The following RPS14 variants were observed in gnomAD, a reference collection of about 807,000 sequenced individuals.
RPS14 encodes ribosomal protein S14.
RPS14 carries 1 observed loss-of-function variant against 15.4 expected under a neutral mutation model. The observed-to-expected ratio is 0.07, with a 90% confidence interval of 0.02 to 0.31. RPS14 has a LOEUF of 0.31. Ranked by LOEUF, RPS14 falls within the 10% of genes least tolerant of loss-of-function variation. RPS14 has a pLI of 1.00. For synonymous variants in RPS14, 68 were observed against 74.4 expected, an observed-to-expected ratio of 0.91 and a Z score of 0.44; for missense variants, 69 against 205.5, an observed-to-expected ratio of 0.34 and a Z score of 4.06.
intron 2 of RPS14, chr5:150,447,172 CT>C: frequency 1.7e-6 from 1 of 580,844 alleles, no homozygotes. Context: ...GCATTTAATC[CT>C]TACCATTACT....
rs763925962 is a variant in RPS14, at chr5:150,447,716, C to A, written c.18G>T (p.Gly6=). 5.0e-6 allele frequency: 8 copies of A among 1,613,874 alleles called. No homozygotes were observed. Among genetic ancestry groups the A allele is most frequent in the Non-Finnish European group, 6.8e-6 (8 of 1,179,862 alleles). The part of the protein sequence containing the change: MAPRK[G]KEKKEEQVIS... ...TGACCTGTTCTTCCTTCTTTTCCTT[C>A]CCCTTTCGAGGTGCCATTTCTGAGT... The change falls in exon 2 of 5, where the codon GGG becomes GGT. Residue 6 remains glycine, a synonymous_variant. Coordinates refer to ENST00000407193, the MANE Select transcript of RPS14 (RefSeq NM_005617.4).
In RPS14 at chr5:150,446,738, G is replaced by A; in HGVS notation, c.311+64C>T. On this transcript the variant is annotated intron_variant, in intron 3 of 4. Transcript: ENST00000407193. This position sits in a 1 kb window ranked among gnomAD's most constrained non-coding sequence, Gnocchi z 4.2. ...ACAAAAAACCCAAACCTCAAATCCAGGTGCTCCAGCACCCAAGCCCAGCAG... is the reference window on the plus strand; with the variant it reads ...ACAAAAAACCCAAACCTCAAATCCAAGTGCTCCAGCACCCAAGCCCAGCAG... The A allele has an allele frequency of 6.5e-7, 1 of 1,550,318 alleles. No homozygotes were observed. Among genetic ancestry groups the A allele is most frequent in the Middle Eastern group, 1.7e-4 (1 of 5,768 alleles).
At position 150,447,016 on chromosome 5, in the gene RPS14, C is replaced by T. The variant is rs892398088; in HGVS notation, c.150-53G>A. 5.0e-6 allele frequency: 8 copies of T among 1,593,352 alleles called. No homozygotes were observed. The African/African-American group carries it at 5.4e-5, about 11-fold the overall frequency. ...TTCCTCGTCCAACAAGGAGTGCTTA[C>T]GATATCCTAATGAGTGAAGAGCAAC... On this transcript the variant is annotated intron_variant, in intron 2 of 4. Coordinates refer to ENST00000407193, the MANE Select transcript of RPS14 (RefSeq NM_005617.4).
At chr5:150,449,563 G>A (rs1771210087) in intron 1 of RPS14, 140 bp downstream of exon 1, 1 of 152,354 alleles carries the variant, frequency 6.6e-6, no homozygotes, top group Non-Finnish European at 1.5e-5. Flanking sequence ...GAGTTGGCCA[G>A]GATCCAGGTG....
At chr5:150,447,501 G>T (rs576505992) in intron 2 of RPS14, 84 bp downstream of exon 2, 2 of 1,334,778 alleles carry the variant, frequency 1.5e-6, no homozygotes, top group East Asian at 2.3e-5. Context: ...TCTTTAGAGA[G>T]AATCCCCTGA....
chr5:150,447,245 G>C (rs182780609), intron 2 of RPS14: 4 of 532,408 alleles, frequency 7.5e-6, no homozygotes, highest in African/African-American at 5.7e-5. Context: ...CAGAATCTGA[G>C]TGATTTCACA....
intron 4 of RPS14, chr5:150,444,561 A>G (rs1265761745): frequency 1.5e-6 from 1 of 669,262 alleles, no homozygotes; most frequent in Non-Finnish European, 2.7e-6. Flanking sequence ...ACTTTCCAGA[A>G]AGGGAAACAG....
rs1771102463 is a variant in RPS14, at chr5:150,446,534, C to G, written c.311+268G>C. 6.6e-6 allele frequency among the ~76,000 whole-genome samples: 1 copy of G among 152,184 alleles called. No individual in the cohort carries two copies. Among genetic ancestry groups the G allele is most frequent in the Non-Finnish European group, 1.5e-5 (1 of 68,026 alleles). Reference sequence around the variant, plus strand: ...GTTGTTTAAAGTCTGACTCTCCCACCAGCCTCGGTCCCACACAAGGAGGGT... The same window carrying G: ...GTTGTTTAAAGTCTGACTCTCCCACGAGCCTCGGTCCCACACAAGGAGGGT... On this transcript the variant is annotated intron_variant, in intron 3 of 4. Coordinates refer to ENST00000407193, the MANE Select transcript of RPS14 (RefSeq NM_005617.4). The surrounding 1 kb of genome is among the most constrained non-coding windows in gnomAD (Gnocchi z 4.2).
chr5:150,445,728 T>G, intron 3 of RPS14, 43 bp from the exon 4 acceptor site: 1 of 1,464,208 alleles, frequency 6.8e-7, no homozygotes, highest in Non-Finnish European at 9.5e-7. Context: ...TTTGGCCAAG[T>G]CAATGGAAGA....
chr5:150,443,216 TTTG>T lies in RPS14; in HGVS notation c.*1067_*1069del, dbSNP rs398065308. 1.1e-5 allele frequency: 1 copy of T among 94,734 alleles called. No individual in the cohort carries two copies. Among genetic ancestry groups the T allele is most frequent in the African/African-American group, 2.9e-5 (1 of 34,178 alleles). 5.9% of individuals were successfully genotyped at this position (94,734 alleles called of 1,614,324 possible). On this transcript the variant is annotated 3_prime_UTR_variant, in exon 5 of 5. Transcript: ENST00000407193. The stretch of plus-strand genomic sequence containing the variant: ...AGGGTACATGTGCACAACGTGCAGG[TTTG>T]TTACATATGTATACATGTGCCATGT...
rs1014431173 is a variant in RPS14, at chr5:150,443,048, A to G, written c.*1238T>C. On this transcript the variant is annotated 3_prime_UTR_variant, in exon 5 of 5. Transcript: ENST00000407193. ...ACTAATACCCTATTCTGGTTCCAGAATCCAATCCAGGATACCACAATGGGC... is the reference window on the plus strand; with the variant it reads ...ACTAATACCCTATTCTGGTTCCAGAGTCCAATCCAGGATACCACAATGGGC... The G allele has an allele frequency of 3.3e-5, 5 of 152,124 alleles. No homozygotes were observed. Among genetic ancestry groups the G allele is most frequent in the African/African-American group, 1.2e-4 (5 of 41,416 alleles). 9.4% of individuals were successfully genotyped at this position (152,124 alleles called of 1,614,324 possible).
chr5:150,446,683 T>C lies in RPS14; in HGVS notation c.311+119A>G. On this transcript the variant is annotated intron_variant, in intron 3 of 4. Transcript: ENST00000407193. This position sits in a 1 kb window ranked among gnomAD's most constrained non-coding sequence, Gnocchi z 4.2. ...ACAGGAGCCAATTATTAAGTATGTA[T>C]ATGCCTAAAATATCTTGTTCAAGGT... 1 of 1,098,146 alleles carries C rather than the reference T, an allele frequency of 9.1e-7. No individual in the cohort carries two copies. Among genetic ancestry groups the C allele is most frequent in the East Asian group, 2.4e-5 (1 of 41,930 alleles). The allele number at this position is 1,098,146 out of a possible 1,614,324, so 68.0% of individuals were successfully genotyped here.
chr5:150,448,216 T>G (rs1209258765), intron 1 of RPS14: 1 of 154,018 alleles, frequency 6.5e-6, no homozygotes, highest in Admixed American at 6.4e-5. Flanking sequence ...TGTTTTCCTG[T>G]GCTCCACCTG....
chr5:150,445,919 C>T (rs1771080058), intron 3 of RPS14, among the ~76,000 whole-genome samples: 1 of 152,082 alleles, frequency 6.6e-6, no homozygotes, highest in African/African-American at 2.4e-5. Flanking sequence ...GGTGAAACCC[C>T]ATCTCTACAA....
chr5:150,444,583 C>T (rs777944650), intron 4 of RPS14: 15 of 670,792 alleles, frequency 2.2e-5, no homozygotes, highest in African/African-American at 5.3e-5. Context: ...CTGAGCTGTG[C>T]GCAAGATGTC....
chr5:150,445,976 C>T (rs1361386958), intron 3 of RPS14, among the ~76,000 whole-genome samples: 1 of 152,066 alleles, frequency 6.6e-6, no homozygotes, highest in Non-Finnish European at 1.5e-5. Context: ...CTAGCAGTCC[C>T]AGCTACTCGG....
At position 150,445,615 on chromosome 5, in the gene RPS14, G is replaced by A. The variant is rs1391370949; in HGVS notation, c.382C>T (p.Arg128Trp). ...ALARSGMKIG[R>W]IEDVTPIPSD... Reference sequence around the variant, plus strand: ...GCTAGAGGGGGGCACTTACCAATCCGCCCGATCTTCATACCCGAGCGGGCA... The same window carrying A: ...GCTAGAGGGGGGCACTTACCAATCCACCCGATCTTCATACCCGAGCGGGCA... Residue 128 changes from arginine (R) to tryptophan (W), a missense_variant, in exon 4 of 5, where the codon CGG (arginine) becomes TGG (tryptophan). By Grantham distance (101) the Arg-to-Trp change is moderately radical. Coordinates refer to ENST00000407193, the MANE Select transcript of RPS14 (RefSeq NM_005617.4). 7 of 1,612,964 alleles carry A rather than the reference G, an allele frequency of 4.3e-6. No homozygotes were observed. The highest frequency in any genetic ancestry group is 1.1e-5 in the South Asian group (1 of 90,968).
chr5:150,443,643 G>T lies in RPS14; in HGVS notation c.*643C>A, dbSNP rs1011893923. Reference sequence around the variant, plus strand: ...TCCTAACCATGGCAGGCACCATCACGGGGCCTTGTGGTAATCCCTTGCAAA... The same window carrying T: ...TCCTAACCATGGCAGGCACCATCACTGGGCCTTGTGGTAATCCCTTGCAAA... On this transcript the variant is annotated 3_prime_UTR_variant, in exon 5 of 5. Transcript: ENST00000407193. 1 of 152,246 alleles carries T rather than the reference G, an allele frequency of 6.6e-6. No individual in the cohort carries two copies. The highest frequency in any genetic ancestry group is 1.5e-5 in the Non-Finnish European group (1 of 68,064). The allele number at this position is 152,246 out of a possible 1,614,324, so 9.4% of individuals were successfully genotyped here.
At chr5:150,445,500 T>C in intron 4 of RPS14, 109 bp downstream of exon 4, 1 of 1,041,114 alleles carries the variant, frequency 9.6e-7, no homozygotes, top group Non-Finnish European at 1.5e-6. Context: ...CAAACTTAAC[T>C]GCCAAAAGTG....
Sources: gnomAD v4.1 joint callset for allele counts (sites outside exome capture counted in the v4.1 genomes callset) on GRCh38, gnomAD v4.1.1 for gene constraint, Gnocchi (gnomAD v3.1) non-coding constraint, MANE v1.5 for transcripts, NCBI Gene and HGNC (gene_info 2026-07-23, HGNC 2026-07-21) for gene names.